MIR2052HG: variants seen among roughly 807,000 people sequenced by gnomAD.
MIR2052HG encodes the protein MIR2052 host gene.
At chr8:74,699,410 G>A (rs546699599) in intron 2 of MIR2052HG, among the ~76,000 whole-genome samples, 12 of 111,378 alleles carry the variant, frequency 1.1e-4, no homozygotes, top group Admixed American at 1.1e-3. Flanking sequence ...ATGTGTGTGT[G>A]TGTGTGTATA....
At chr8:74,676,972 T>C (rs1256055580) in intron 2 of MIR2052HG, among the ~76,000 whole-genome samples, 2 of 151,960 alleles carry the variant, frequency 1.3e-5, no homozygotes, top group Non-Finnish European at 2.9e-5. Context: ...AATCCAGGAA[T>C]AGTCTGATAA....
chr8:74,690,073 G>A (rs1224900227), intron 2 of MIR2052HG, among the ~76,000 whole-genome samples: 1 of 152,184 alleles, frequency 6.6e-6, no homozygotes, highest in African/African-American at 2.4e-5. Context: ...AAAGGTGTAG[G>A]TAGGACATTA....
intron 2 of MIR2052HG, among the ~76,000 whole-genome samples, chr8:74,673,333 G>T (rs1809013335): frequency 6.6e-6 from 1 of 151,966 alleles, no homozygotes; most frequent in Non-Finnish European, 1.5e-5. Flanking sequence ...TGAGCACCTA[G>T]AGGGCCACAA....
intron 2 of MIR2052HG, among the ~76,000 whole-genome samples, chr8:74,617,245 C>G (rs1256379924): frequency 6.6e-6 from 1 of 151,934 alleles, no homozygotes; most frequent in African/African-American, 2.4e-5. Flanking sequence ...TCCCTTCCAC[C>G]CTTCCAACTT....
chr8:74,732,851 A>T (rs1809706647), intron 4 of MIR2052HG, among the ~76,000 whole-genome samples: 1 of 152,138 alleles, frequency 6.6e-6, no homozygotes, highest in African/African-American at 2.4e-5. Context: ...TGGGCAGAAG[A>T]GGCAGAAATG....
chr8:74,713,050 G>A (rs1226433111), intron 4 of MIR2052HG, among the ~76,000 whole-genome samples: 1 of 152,160 alleles, frequency 6.6e-6, no homozygotes, highest in African/African-American at 2.4e-5. Flanking sequence ...CGTGGTTAAA[G>A]AAAGACATCT....
chr8:74,600,861 A>T (rs1807990551), intron 1 of MIR2052HG, among the ~76,000 whole-genome samples: 1 of 152,104 alleles, frequency 6.6e-6, no homozygotes, highest in Non-Finnish European at 1.5e-5. Context: ...GGCGTGAGCC[A>T]CCGCGCCTGG....
intron 4 of MIR2052HG, among the ~76,000 whole-genome samples, chr8:74,734,643 A>G (rs1419865904): frequency 2.0e-5 from 3 of 152,222 alleles, no homozygotes; most frequent in Non-Finnish European, 4.4e-5. Flanking sequence ...GAACATATAA[A>G]GTTGCAAAAG....
chr8:74,600,217 T>C (rs6988192), intron 1 of MIR2052HG, among the ~76,000 whole-genome samples: 112,451 of 151,938 alleles, frequency 0.74, 42,770 homozygotes, highest in African/African-American at 0.94. Context: ...AGCTGTAGAC[T>C]GGAGCTGTTC....
At chr8:74,735,545 C>G (rs1183541705) in intron 4 of MIR2052HG, among the ~76,000 whole-genome samples, 1 of 152,222 alleles carries the variant, frequency 6.6e-6, no homozygotes, top group African/African-American at 2.4e-5. Flanking sequence ...GCACCATATT[C>G]TCTCATACCC....
chr8:74,665,064 T>A (rs574988943), intron 2 of MIR2052HG, among the ~76,000 whole-genome samples: 13 of 152,354 alleles, frequency 8.5e-5, no homozygotes, highest in Admixed American at 2.6e-4. Context: ...ACTTTCTTTT[T>A]CTGACACTCA....
chr8:74,698,609 C>G (rs1391631733), intron 2 of MIR2052HG, among the ~76,000 whole-genome samples: 1 of 152,158 alleles, frequency 6.6e-6, no homozygotes, highest in African/African-American at 2.4e-5. Flanking sequence ...AACTATGGAT[C>G]TGAGAAAGGA....
intron 4 of MIR2052HG, among the ~76,000 whole-genome samples, chr8:74,704,348 A>C (rs140753068): frequency 1.3e-5 from 2 of 152,140 alleles, no homozygotes; most frequent in African/African-American, 4.8e-5. Flanking sequence ...CAATAGTTTT[A>C]TGCTTCTTGC....
intron 4 of MIR2052HG, among the ~76,000 whole-genome samples, chr8:74,720,248 C>T (rs1809562274): frequency 6.6e-6 from 1 of 152,140 alleles, no homozygotes; most frequent in Non-Finnish European, 1.5e-5. Flanking sequence ...ACCGAACTCT[C>T]AGTCAACTTA....
At chr8:74,618,957 A>G (rs1049618017) in intron 2 of MIR2052HG, among the ~76,000 whole-genome samples, 1 of 152,202 alleles carries the variant, frequency 6.6e-6, no homozygotes, top group Non-Finnish European at 1.5e-5. Context: ...TTCATTATAC[A>G]AAGTCAACAT....
intron 4 of MIR2052HG, among the ~76,000 whole-genome samples, chr8:74,735,029 A>G (rs1809732012): frequency 6.6e-6 from 1 of 152,204 alleles, no homozygotes; most frequent in Admixed American, 6.5e-5. Context: ...CATTATTCAA[A>G]TCACATTTTG....
intron 4 of MIR2052HG, among the ~76,000 whole-genome samples, chr8:74,704,076 T>C (rs570296325): frequency 9.9e-5 from 15 of 151,972 alleles, no homozygotes; most frequent in Non-Finnish European, 1.9e-4. Flanking sequence ...AGGGAACATC[T>C]GGCTAATGGG....
chr8:74,674,398 T>C (rs769171573), intron 2 of MIR2052HG, among the ~76,000 whole-genome samples: 1 of 151,918 alleles, frequency 6.6e-6, no homozygotes, highest in Non-Finnish European at 1.5e-5. Flanking sequence ...TGAACTAGTT[T>C]GATGATTAAC....
intron 2 of MIR2052HG, among the ~76,000 whole-genome samples, chr8:74,679,840 C>A (rs949017092): frequency 6.6e-6 from 1 of 152,132 alleles, no homozygotes; most frequent in Non-Finnish European, 1.5e-5. Context: ...CCGTGCCCAG[C>A]TGCCTGGTTA....
Sources: allele counts gnomAD v4.1 joint callset (sites outside exome capture counted in the v4.1 genomes callset), GRCh38; gene constraint gnomAD v4.1.1; transcripts MANE v1.5; gene names NCBI Gene and HGNC (gene_info 2026-07-23, HGNC 2026-07-21).